CFAP251: variants seen among roughly 807,000 people sequenced by gnomAD.
CFAP251 encodes the protein cilia- and flagella-associated protein 251.
A neutral mutation model predicts 126.7 loss-of-function variants in CFAP251; 93 were observed. The observed-to-expected ratio is 0.73, with a 90% confidence interval of 0.62 to 0.87. The LOEUF (loss-of-function observed/expected upper bound fraction) is 0.87. CFAP251 is among the 40% of genes least tolerant of loss of function. The probability of loss-of-function intolerance (pLI) is 0.00; values close to 1 mark genes in which losing one functional copy is unlikely to be tolerated. For synonymous variants in CFAP251, 503 were observed against 506.9 expected (o/e 0.99, Z 0.10); for missense variants, 1,287 against 1,389.2 (o/e 0.93, Z 1.17).
intron 4 of CFAP251, chr12:121,932,879 A>C (rs1398131441): frequency 6.6e-6 from 1 of 152,388 alleles, no homozygotes; most frequent in Non-Finnish European, 1.5e-5. Context: ...TGGCAGAGAG[A>C]GAAGGAGAGA....
intron 1 of CFAP251, among the ~76,000 whole-genome samples, chr12:121,919,059 G>A (rs1880042703): frequency 1.3e-5 from 2 of 151,996 alleles, no homozygotes; most frequent in Admixed American, 6.6e-5. Flanking sequence ...TCTTACTAGC[G>A]GTGTCATCTT....
chr12:121,930,428 A>G (rs990073766), intron 3 of CFAP251, among the ~76,000 whole-genome samples: 5 of 152,142 alleles, frequency 3.3e-5, no homozygotes, highest in Admixed American at 1.3e-4. Flanking sequence ...CGGAGTGAAC[A>G]GTGAGCTGAG....
intron 9 of CFAP251, chr12:121,953,677 CATTTCTATGTACAGTGCTTAAAT>C (rs1401141301): frequency 6.1e-6 from 1 of 163,198 alleles, no homozygotes; most frequent in East Asian, 1.8e-4. Context: ...GAGAATAGGG[CATTTCTATGTACAGTGCTTAAAT>C]ATTTTCTACT....
intron 15 of CFAP251, among the ~76,000 whole-genome samples, chr12:121,962,548 G>A (rs191451047): frequency 9.3e-4 from 141 of 152,240 alleles, no homozygotes; most frequent in African/African-American, 3.0e-3. Context: ...TACACCCTGC[G>A]TGAGCCAGGT....
intron 7 of CFAP251, among the ~76,000 whole-genome samples, chr12:121,945,474 G>A (rs1018142091): frequency 2.0e-4 from 30 of 151,638 alleles, no homozygotes; most frequent in Admixed American, 2.6e-4. Context: ...CTCCTGGGTA[G>A]CTGGGACTAC....
intron 9 of CFAP251, chr12:121,952,595 C>T (rs954964584): frequency 6.6e-5 from 10 of 152,022 alleles, no homozygotes; most frequent in Non-Finnish European, 1.0e-4. Context: ...GCCTGCTTGC[C>T]GCAAGCTCTT....
rs1313463970 is a variant in CFAP251 at position 121,928,698 on chromosome 12, A to AT, written c.748-3047dup. Among the ~76,000 whole-genome samples the AT allele has an allele frequency of 2.1e-3, 120 of 57,306 alleles. 3 individuals are homozygous for AT. The highest frequency in any genetic ancestry group is 0.011 in the African/African-American group (108 of 9,478). The allele number at this position is 57,306 out of a possible 152,430, so 37.6% of individuals were successfully genotyped here. On this transcript the variant is annotated intron_variant, in intron 3 of 21. Coordinates refer to ENST00000288912, the MANE Select transcript of CFAP251 (RefSeq NM_144668.6). ...TATATATATATATATACGTATATATATATATATTTTTTTTTTGAGACAGGG... is the reference window on the plus strand; with the variant it reads ...TATATATATATATATACGTATATATATTATATATTTTTTTTTTGAGACAGGG...
chr12:122,001,363 T>C lies in CFAP251; in HGVS notation c.3236-134T>C. The stretch of plus-strand genomic sequence containing the variant: ...GAGCCACCACGCCCAGCCTAAATTT[T>C]TTTTTCAATTGAGTAAAAGAAAAAA... On this transcript the variant is annotated intron_variant, in intron 20 of 21. Coordinates refer to ENST00000288912, the MANE Select transcript of CFAP251 (RefSeq NM_144668.6). 7 of 835,526 alleles carry C rather than the reference T, an allele frequency of 8.4e-6. 1 individual carries two copies. The South Asian group carries it at 1.1e-4, about 13-fold the overall frequency. The allele number at this position is 835,526 out of a possible 1,614,324, so 51.8% of individuals were successfully genotyped here. A position where few individuals can be genotyped will look rare whatever the true frequency, so the allele number is the denominator to read the frequency against.
intron 3 of CFAP251, among the ~76,000 whole-genome samples, chr12:121,924,802 C>T (rs1447590257): frequency 1.3e-5 from 2 of 152,138 alleles, no homozygotes; most frequent in African/African-American, 4.8e-5. Context: ...AACTTGAGAG[C>T]GGCATCTGCG....
intron 3 of CFAP251, among the ~76,000 whole-genome samples, chr12:121,929,097 C>T (rs996127998): frequency 2.7e-4 from 41 of 151,808 alleles, no homozygotes; most frequent in Non-Finnish European, 5.2e-4. Flanking sequence ...CTGAGGCAGG[C>T]GGATCATGAG....
chr12:121,955,243 A>C (rs1881686408), intron 10 of CFAP251, among the ~76,000 whole-genome samples: 1 of 152,164 alleles, frequency 6.6e-6, no homozygotes, highest in African/African-American at 2.4e-5. Context: ...GCAGTGAGCC[A>C]AGATCTCACC....
chr12:121,940,979 A>C (rs1177748533), intron 5 of CFAP251, among the ~76,000 whole-genome samples: 1 of 151,618 alleles, frequency 6.6e-6, no homozygotes, highest in African/African-American at 2.4e-5. Context: ...AATCTACCTC[A>C]TTCTTTTTGA....
intron 6 of CFAP251, 39 bp from the exon 7 acceptor site, chr12:121,942,856 C>T (rs1486476929): frequency 1.2e-6 from 2 of 1,608,910 alleles, no homozygotes; most frequent in Admixed American, 3.3e-5. Flanking sequence ...GCAGACTTCA[C>T]AGACCTTCTC....
At chr12:121,930,591 A>G (rs987278392) in intron 3 of CFAP251, among the ~76,000 whole-genome samples, 1 of 152,224 alleles carries the variant, frequency 6.6e-6, no homozygotes, top group African/African-American at 2.4e-5. Flanking sequence ...TATTGTACTT[A>G]TAATTTTTCA....
rs1882212036 is a variant in CFAP251, at chr12:121,968,123, G to A, written c.2725G>A (p.Ala909Thr). 6.2e-7 allele frequency: 1 copy of A among 1,613,054 alleles called. No homozygotes were observed. The highest frequency in any genetic ancestry group is 1.7e-5 in the Admixed American group (1 of 59,980). The change falls in exon 17 of 22, where the codon GCG becomes ACG. Residue 909 changes from alanine (A) to threonine (T), a missense_variant. Transcript: ENST00000288912. ...CTATGATGGCTGCTACGCCTTCACT[G>A]CGGGAGGGCACGATCGCTCGGTGGT... ...VSYDGCYAFT[A>T]GGHDRSVVQW...
Position 121,921,394 on chromosome 12 carries a change from A to G in CFAP251, c.89A>G (p.Tyr30Cys), listed in dbSNP as rs369186072. ...MKEEEEPNPN[Y>C]KEVEDPQQES... The stretch of plus-strand genomic sequence containing the variant: ...GAAGAGGAGGAACCTAATCCAAATT[A>G]TAAAGAAGTAGAAGATCCACAACAG... The change falls in exon 2 of 22, where the codon TAT (tyrosine) becomes TGT (cysteine). Residue 30 changes from tyrosine to cysteine, a missense_variant. Transcript: ENST00000288912. The G allele has an allele frequency of 5.0e-6, 8 of 1,613,852 alleles. No homozygotes were observed. Among genetic ancestry groups the G allele is most frequent in the African/African-American group, 4.0e-5 (3 of 74,900 alleles).
intron 14 of CFAP251, 64 bp from the exon 15 acceptor site, chr12:121,961,914 G>A (rs1293525489): frequency 2.0e-6 from 3 of 1,523,150 alleles, no homozygotes; most frequent in Non-Finnish European, 2.7e-6. Context: ...AGAGCTTGGG[G>A]TTCCTTAGCT....
chr12:121,999,621 C>A, intron 19 of CFAP251, 95 bp from the exon 20 acceptor site: 1 of 929,670 alleles, frequency 1.1e-6, no homozygotes. Flanking sequence ...CAGGCATGAG[C>A]CGCTGCACCA....
At chr12:121,992,173 A>T (rs934468691) in intron 19 of CFAP251, 11 of 984,408 alleles carry the variant, frequency 1.1e-5, no homozygotes, top group Middle Eastern at 5.2e-4. Flanking sequence ...CTCTCAAGCC[A>T]TCTTCACACG....
Sources: allele counts gnomAD v4.1 joint callset (sites outside exome capture counted in the v4.1 genomes callset), GRCh38; gene constraint gnomAD v4.1.1; transcripts MANE v1.5; gene names NCBI Gene and HGNC (gene_info 2026-07-23, HGNC 2026-07-21).